Variants in SEMA6A observed in about 807,000 individuals in gnomAD.
SEMA6A encodes the protein semaphorin 6A, also known as semaphorin-6A.
A neutral mutation model predicts 96.8 loss-of-function variants in SEMA6A; 25 were observed. The observed-to-expected ratio is 0.26, with a 90% CI of 0.19 to 0.36. The LOEUF (loss-of-function observed/expected upper bound fraction) is 0.36. Among genes scored for constraint, SEMA6A ranks in the 10% least tolerant of loss-of-function variants. SEMA6A has a pLI of 1.00. For synonymous variants in SEMA6A, 612 were observed against 518.0 expected (o/e 1.18, Z -2.46); for missense variants, 1,363 against 1,323.1 (o/e 1.03, Z -0.47).
At chr5:116,524,242 C>G (rs1333554958) in intron 1 of SEMA6A, among the ~76,000 whole-genome samples, 2 of 152,174 alleles carry the variant, frequency 1.3e-5, no homozygotes, top group African/African-American at 4.8e-5. Flanking sequence ...CACGAGGAAG[C>G]CTATCTCCCA....
At chr5:116,497,735 C>T (rs547249598) in intron 3 of SEMA6A, among the ~76,000 whole-genome samples, 2 of 152,142 alleles carry the variant, frequency 1.3e-5, no homozygotes, top group Non-Finnish European at 2.9e-5. Context: ...ATTCGTGTGC[C>T]CTTTCATTAT....
At chr5:116,472,817 A>G in intron 17 of SEMA6A, 1 of 1,228,364 alleles carries the variant, frequency 8.1e-7, no homozygotes, top group East Asian at 2.6e-5. Flanking sequence ...TAGGAATGAA[A>G]ACTATAAACT....
At chr5:116,546,122 T>C (rs1402818980) in intron 1 of SEMA6A, among the ~76,000 whole-genome samples, 1 of 152,228 alleles carries the variant, frequency 6.6e-6, no homozygotes, top group Non-Finnish European at 1.5e-5. Context: ...GTGATAACCA[T>C]AATCCCAAAG....
intron 10 of SEMA6A, among the ~76,000 whole-genome samples, chr5:116,485,098 T>C (rs1251373504): frequency 6.6e-6 from 1 of 152,216 alleles, no homozygotes; most frequent in African/African-American, 2.4e-5. Flanking sequence ...ACAATGGGTA[T>C]GTATATTTTT....
Position 116,494,138 on chromosome 5 carries a change from C to T in SEMA6A, c.444+1275G>A, listed in dbSNP as rs1012092899. Among the ~76,000 whole-genome samples, 3 of 152,174 alleles carry T rather than the reference C, an allele frequency of 2.0e-5. No individual in the cohort carries two copies. The East Asian group carries it at 5.8e-4, about 29-fold the overall frequency. On this transcript the variant is annotated intron_variant, in intron 6 of 18. Transcript: ENST00000343348. ...GTTTTATCTATTCTCTTCCCTTCAT[C>T]CCTGGGGCTATCTACATCTCCAGTT...
intron 1 of SEMA6A, among the ~76,000 whole-genome samples, chr5:116,510,882 G>T (rs909998865): frequency 6.6e-6 from 1 of 152,152 alleles, no homozygotes; most frequent in Non-Finnish European, 1.5e-5. Flanking sequence ...GGAAAATAAA[G>T]AAAGGACTGG....
intron 18 of SEMA6A, among the ~76,000 whole-genome samples, chr5:116,463,777 C>G (rs1755559307): frequency 6.6e-6 from 1 of 152,174 alleles, no homozygotes; most frequent in Non-Finnish European, 1.5e-5. Flanking sequence ...TGTCTGTTTT[C>G]TGAGAGCTCA....
intron 1 of SEMA6A, among the ~76,000 whole-genome samples, chr5:116,571,955 T>C (rs1043591372): frequency 1.3e-5 from 2 of 152,156 alleles, no homozygotes; most frequent in African/African-American, 4.8e-5. Flanking sequence ...AATTAAATAA[T>C]TAATTAAACC....
intron 7 of SEMA6A, among the ~76,000 whole-genome samples, chr5:116,489,434 C>T (rs1188590827): frequency 6.6e-6 from 1 of 152,054 alleles, no homozygotes; most frequent in African/African-American, 2.4e-5. Flanking sequence ...AAATTTTAGG[C>T]ACATGCATAA....
chr5:116,482,308 T>C, intron 11 of SEMA6A, 136 bp downstream of exon 11: 1 of 880,470 alleles, frequency 1.1e-6, no homozygotes. Context: ...CTTTGGGTTT[T>C]GGTTAATGAG....
intron 11 of SEMA6A, among the ~76,000 whole-genome samples, chr5:116,480,579 G>A (rs1345634548): frequency 6.6e-6 from 1 of 152,120 alleles, no homozygotes; most frequent in Non-Finnish European, 1.5e-5. Context: ...ACAAGTGAGT[G>A]AGTGTGGTTT....
chr5:116,490,304 T>C (rs1329114816), intron 7 of SEMA6A, among the ~76,000 whole-genome samples: 2 of 152,222 alleles, frequency 1.3e-5, no homozygotes, highest in East Asian at 3.9e-4. Context: ...AAAGACATTC[T>C]TTATATAAGA....
At chr5:116,497,512 AG>A in intron 3 of SEMA6A, 125 bp from the exon 4 acceptor site, 1 of 558,472 alleles carries the variant, frequency 1.8e-6, no homozygotes, top group South Asian at 2.9e-5. Context: ...TCCACATGCA[AG>A]AAGAAAAGAG....
rs372791444 is a variant in SEMA6A at position 116,533,465 on chromosome 5, GT to G, written c.-38-28484del. Among the ~76,000 whole-genome samples the G allele has an allele frequency of 3.4e-3, 523 of 152,242 alleles. 5 individuals carry two copies. Among genetic ancestry groups the G allele is most frequent in the African/African-American group, 0.011 (471 of 41,562 alleles). On this transcript the variant is annotated intron_variant, in intron 1 of 18. Coordinates refer to ENST00000343348, the MANE Select transcript of SEMA6A (RefSeq NM_020796.5). ...TAACTAGAATACTTGGGGGAAGGGG[GT>G]TCTGGTTGAATGATTTCCTGGTTAA...
chr5:116,547,734 TAAA>T (rs34908253), intron 1 of SEMA6A, among the ~76,000 whole-genome samples: 974 of 65,518 alleles, frequency 0.015, 10 homozygotes, highest in African/African-American at 0.053. Flanking sequence ...ATCTGATACT[TAAA>T]AAAAAAAAAA....
chr5:116,449,972 G>T (rs1754519305), intron 18 of SEMA6A: 1 of 152,136 alleles, frequency 6.6e-6, no homozygotes, highest in Non-Finnish European at 1.5e-5. Flanking sequence ...CAAACAGTGG[G>T]GTGTCCTGCA....
chr5:116,462,669 G>A (rs1402037479), intron 18 of SEMA6A, among the ~76,000 whole-genome samples: 4 of 152,282 alleles, frequency 2.6e-5, no homozygotes, highest in Middle Eastern at 3.4e-3. Context: ...TTGGAGTGAC[G>A]CATGTATTCA....
intron 18 of SEMA6A, among the ~76,000 whole-genome samples, 155 bp downstream of exon 18, chr5:116,467,428 G>C (rs1163986610): frequency 1.3e-5 from 2 of 152,144 alleles, no homozygotes; most frequent in Non-Finnish European, 2.9e-5. Context: ...GCCTCACATA[G>C]AGGATGGGGT....
intron 1 of SEMA6A, among the ~76,000 whole-genome samples, chr5:116,527,515 G>GAAA (rs1390766217): frequency 6.6e-6 from 1 of 152,162 alleles, no homozygotes; most frequent in Non-Finnish European, 1.5e-5. Flanking sequence ...AATAAGCCAT[G>GAAA]AAAAGTTGAA....
Sources: gnomAD v4.1 joint callset for allele counts (sites outside exome capture counted in the v4.1 genomes callset) on GRCh38, gnomAD v4.1.1 for gene constraint, MANE v1.5 for transcripts, NCBI Gene and HGNC (gene_info 2026-07-23, HGNC 2026-07-21) for gene names.